DNAJC1: variants seen among roughly 807,000 people sequenced by gnomAD.
DNAJC1 encodes the protein dnaJ homolog subfamily C member 1.
DNAJC1 carries 58 observed loss-of-function variants against 76.6 expected under a neutral mutation model. The ratio of observed to expected loss-of-function variants is 0.76; its 90% CI spans 0.61 to 0.94. DNAJC1 has a LOEUF of 0.94. Ranked by LOEUF, DNAJC1 falls within the 40% of genes least tolerant of loss-of-function variation. DNAJC1 has a pLI of 0.00. For synonymous variants in DNAJC1, 258 were observed against 267.9 expected, an observed-to-expected ratio of 0.96 and a Z score of 0.36; for missense variants, 689 against 677.3, an observed-to-expected ratio of 1.02 and a Z score of -0.19.
chr10:21,756,736 T>A lies in DNAJC1; in HGVS notation c.1616A>T (p.Tyr539Phe). Residue 539 changes from tyrosine (Y) to phenylalanine (F), a missense_variant, in exon 12 of 12, where the codon TAC becomes TTC. Coordinates refer to ENST00000376980, the MANE Select transcript of DNAJC1 (RefSeq NM_022365.4). Reference sequence around the variant, plus strand: ...TTGGACCAGTTCAACCAGCAACTTGTACCTAGCGATACAGTCTTCCTGTAG... The same window carrying A: ...TTGGACCAGTTCAACCAGCAACTTGAACCTAGCGATACAGTCTTCCTGTAG... ...SKSKEDCIAR[Y>F]KLLVELVQKK... 16 of 1,613,750 alleles carry A rather than the reference T, an allele frequency of 9.9e-6. No homozygotes were observed. Among genetic ancestry groups the A allele is most frequent in the Non-Finnish European group, 1.4e-5 (16 of 1,180,012 alleles).
At chr10:21,831,293 A>G (rs1205495396) in intron 8 of DNAJC1, among the ~76,000 whole-genome samples, 2 of 152,178 alleles carry the variant, frequency 1.3e-5, no homozygotes, top group African/African-American at 4.8e-5. Flanking sequence ...CTAGAGGCTC[A>G]GTTCCAGCTG....
At chr10:21,779,374 C>A (rs1331059547) in intron 9 of DNAJC1, among the ~76,000 whole-genome samples, 1 of 152,162 alleles carries the variant, frequency 6.6e-6, no homozygotes, top group Non-Finnish European at 1.5e-5. Context: ...CCTCACACGG[C>A]CACATACCCC....
At chr10:21,932,879 C>T (rs377494100) in intron 1 of DNAJC1, among the ~76,000 whole-genome samples, 1 of 152,160 alleles carries the variant, frequency 6.6e-6, no homozygotes, top group East Asian at 1.9e-4. Context: ...GGATTACAGG[C>T]ATGAGCCACC....
rs185220729 is a variant in DNAJC1 at position 21,835,005 on chromosome 10, A to G, written c.979-28906T>C. Among the ~76,000 whole-genome samples the G allele has an allele frequency of 3.1e-3, 469 of 152,306 alleles. 3 individuals carry two copies. The highest frequency in any genetic ancestry group is 0.011 in the African/African-American group (450 of 41,584). On this transcript the variant is annotated intron_variant, in intron 8 of 11. Transcript: ENST00000376980. ...TGGTTCTCCCAGCACGCAGCTTGAGATCTGAGAATGGGCAGACTGCCTCCT... is the reference window on the plus strand; with the variant it reads ...TGGTTCTCCCAGCACGCAGCTTGAGGTCTGAGAATGGGCAGACTGCCTCCT...
At chr10:21,833,146 T>C (rs1053002162) in intron 8 of DNAJC1, among the ~76,000 whole-genome samples, 2 of 152,236 alleles carry the variant, frequency 1.3e-5, no homozygotes, top group Non-Finnish European at 2.9e-5. Context: ...GTCTGACCTT[T>C]TCAACTACAT....
intron 8 of DNAJC1, among the ~76,000 whole-genome samples, chr10:21,813,096 C>CACATATATAT (rs1554887835): frequency 1.8e-4 from 21 of 117,296 alleles, no homozygotes; most frequent in South Asian, 5.7e-4. Context: ...TACACACACA[C>CACATATATAT]ATATATATAT....
At chr10:21,781,397 C>A (rs1834525302) in intron 9 of DNAJC1, among the ~76,000 whole-genome samples, 1 of 152,176 alleles carries the variant, frequency 6.6e-6, no homozygotes, top group South Asian at 2.1e-4. Context: ...GTCTCTCAGA[C>A]CACAGTGCAA....
intron 8 of DNAJC1, among the ~76,000 whole-genome samples, chr10:21,822,256 T>C (rs1835172036): frequency 6.6e-6 from 1 of 151,912 alleles, no homozygotes; most frequent in African/African-American, 2.4e-5. Context: ...CTGGCCAACA[T>C]GGTGAAACCC....
At chr10:21,780,943 G>A (rs1391237904) in intron 9 of DNAJC1, among the ~76,000 whole-genome samples, 1 of 152,154 alleles carries the variant, frequency 6.6e-6, no homozygotes, top group Non-Finnish European at 1.5e-5. Context: ...AGCAGGGGTT[G>A]CAATCCTAGT....
At chr10:21,810,753 C>CT (rs1420705917) in intron 8 of DNAJC1, among the ~76,000 whole-genome samples, 2 of 152,142 alleles carry the variant, frequency 1.3e-5, no homozygotes, top group Admixed American at 1.3e-4. Flanking sequence ...ATTTGACCAG[C>CT]TTTTCCACTT....
At chr10:21,769,498 T>C (rs1257751561) in intron 9 of DNAJC1, among the ~76,000 whole-genome samples, 1 of 152,174 alleles carries the variant, frequency 6.6e-6, no homozygotes, top group African/African-American at 2.4e-5. Context: ...TCTAAAATTT[T>C]TGCTCTCTAT....
At chr10:21,949,203 C>T (rs1312710750) in intron 1 of DNAJC1, among the ~76,000 whole-genome samples, 1 of 152,066 alleles carries the variant, frequency 6.6e-6, no homozygotes, top group Non-Finnish European at 1.5e-5. Flanking sequence ...TTTCTTCCTT[C>T]GCATTACATA....
At chr10:21,862,832 ATTAGAAAAG>A (rs1835938434) in intron 8 of DNAJC1, among the ~76,000 whole-genome samples, 1 of 152,048 alleles carries the variant, frequency 6.6e-6, no homozygotes, top group South Asian at 2.1e-4. Context: ...ACCTTAAGAA[ATTAGAAAAG>A]GAAGACCAAG....
intron 7 of DNAJC1, among the ~76,000 whole-genome samples, chr10:21,887,803 A>G (rs1778954929): frequency 6.6e-6 from 1 of 152,214 alleles, no homozygotes; most frequent in Admixed American, 6.5e-5. Flanking sequence ...AACACAGGCA[A>G]TAGCAACCTG....
chr10:21,782,810 A>C (rs1333533827), intron 9 of DNAJC1, among the ~76,000 whole-genome samples: 2 of 152,356 alleles, frequency 1.3e-5, no homozygotes, highest in Non-Finnish European at 2.9e-5. Context: ...CCACATGATT[A>C]TCTCAATAGA....
intron 10 of DNAJC1, among the ~76,000 whole-genome samples, chr10:21,765,188 A>G (rs1479325590): frequency 6.6e-6 from 1 of 152,194 alleles, no homozygotes; most frequent in East Asian, 1.9e-4. Context: ...TCCTCTTGCT[A>G]AAGCCTGGAG....
At chr10:21,879,586 T>C (rs1305664378) in intron 8 of DNAJC1, among the ~76,000 whole-genome samples, 1 of 152,130 alleles carries the variant, frequency 6.6e-6, no homozygotes, top group Non-Finnish European at 1.5e-5. Context: ...ATCATGCCAC[T>C]GCACTCCAGC....
chr10:21,775,451 C>T (rs909357874), intron 9 of DNAJC1, among the ~76,000 whole-genome samples: 2 of 148,886 alleles, frequency 1.3e-5, no homozygotes, highest in African/African-American at 5.0e-5. Context: ...GTTTGGCATC[C>T]TCAAATGATC....
chr10:21,954,954 T>A (rs1362896157), intron 1 of DNAJC1, among the ~76,000 whole-genome samples: 1 of 152,118 alleles, frequency 6.6e-6, no homozygotes, highest in East Asian at 1.9e-4. Context: ...TAAGTCAGGT[T>A]TTCTCAACCT....
Sources: gnomAD v4.1 joint callset for allele counts (sites outside exome capture counted in the v4.1 genomes callset) on GRCh38, gnomAD v4.1.1 for gene constraint, MANE v1.5 for transcripts, NCBI Gene and HGNC (gene_info 2026-07-23, HGNC 2026-07-21) for gene names.